Variants in ZDHHC11 observed in about 807,000 individuals in gnomAD.
ZDHHC11 encodes the protein palmitoyltransferase ZDHHC11.
ZDHHC11 carries 44 observed loss-of-function variants against 51.3 expected under a neutral mutation model. The ratio of observed to expected loss-of-function variants is 0.86; its 90% CI spans 0.67 to 1.10. ZDHHC11 has a LOEUF of 1.10. Ranked by LOEUF, ZDHHC11 falls within the 50% of genes least tolerant of loss-of-function variation. The pLI, the probability that ZDHHC11 is intolerant of heterozygous loss-of-function variation, is 0.00. For missense variants in ZDHHC11, 400 were observed against 537.7 expected (o/e 0.74, Z 2.53); for synonymous variants, 163 against 222.0 (o/e 0.73, Z 2.36).
chr5:855,801 GGACAGACCCCACAGAGGACA>G (rs1748149802), upstream of ZDHHC11, among the ~76,000 whole-genome samples: 1 of 144,942 alleles, frequency 6.9e-6, no homozygotes, highest in Non-Finnish European at 1.5e-5. Flanking sequence ...TGAGCAGTGG[GGACAGACCCCACAGAGGACA>G]GTGAGCCGGG....
At chr5:801,761 C>T (rs1294643154) in intron 11 of ZDHHC11, among the ~76,000 whole-genome samples, 2 of 151,084 alleles carry the variant, frequency 1.3e-5, no homozygotes, top group African/African-American at 4.9e-5. Context: ...CTGAATGTGT[C>T]GGGAATTAGA....
At position 821,883 on chromosome 5, in the gene ZDHHC11, C is replaced by T; in HGVS notation, c.1036G>A (p.Asp346Asn). The T allele has an allele frequency of 6.2e-7, 1 of 1,605,760 alleles. No homozygotes were observed. Among genetic ancestry groups the T allele is most frequent in the African/African-American group, 1.3e-5 (1 of 74,786 alleles). The stretch of plus-strand genomic sequence containing the variant: ...CACCCAAGTGCAGATGGACACGGGT[C>T]TTCATCCCCTTCCTGTGGGGAAGTG... ...GDSTAREGDE[D>N]PCPSALGAKA... Residue 346 changes from aspartate to asparagine, a missense_variant, in exon 9 of 13, where the codon GAC (aspartate) becomes AAC (asparagine). Transcript: ENST00000283441.
intron 3 of ZDHHC11, among the ~76,000 whole-genome samples, chr5:844,557 T>C (rs1579776791): frequency 6.6e-6 from 1 of 152,406 alleles, no homozygotes; most frequent in East Asian, 1.9e-4. Flanking sequence ...GCCCTGAGCA[T>C]GGTCTGTGCT....
intron 11 of ZDHHC11, 103 bp from the exon 12 acceptor site, chr5:801,267 G>A (rs1738379455): frequency 1.4e-6 from 2 of 1,464,284 alleles, no homozygotes; most frequent in Non-Finnish European, 1.9e-6. Context: ...ACATTTTAGA[G>A]ATTAGCTTGT....
intron 7 of ZDHHC11, among the ~76,000 whole-genome samples, chr5:830,092 C>A (rs1742879080): frequency 7.2e-6 from 1 of 138,122 alleles, no homozygotes; most frequent in Non-Finnish European, 1.6e-5. Flanking sequence ...CAAGGATGCC[C>A]ACTTTCACCA....
chr5:799,597 C>G (rs1412099567), intron 12 of ZDHHC11, among the ~76,000 whole-genome samples: 1 of 151,314 alleles, frequency 6.6e-6, no homozygotes, highest in African/African-American at 2.4e-5. Flanking sequence ...CAAGTTGATG[C>G]TTCGGCCAAG....
chr5:838,871 G>C lies in ZDHHC11; in HGVS notation c.785-1391C>G, dbSNP rs569156143. Among the ~76,000 whole-genome samples the C allele has an allele frequency of 2.2e-3, 327 of 149,414 alleles. 2 individuals carry two copies. The highest frequency in any genetic ancestry group is 3.4e-3 in the Middle Eastern group (1 of 294). ...CACCCCACGTGCTCAGCACACAGTGGGCATTGACTATTTTAACCCAGGGAA... is the reference window on the plus strand; with the variant it reads ...CACCCCACGTGCTCAGCACACAGTGCGCATTGACTATTTTAACCCAGGGAA... On this transcript the variant is annotated intron_variant, in intron 5 of 12. Transcript: ENST00000283441.
At chr5:835,994 T>C (rs916971236) in intron 6 of ZDHHC11, among the ~76,000 whole-genome samples, 11 of 151,932 alleles carry the variant, frequency 7.2e-5, no homozygotes, top group East Asian at 1.9e-4. Flanking sequence ...TAGGTTTCAT[T>C]GTCTGCAAAT....
At chr5:807,179 G>T (rs1739381635) in intron 11 of ZDHHC11, among the ~76,000 whole-genome samples, 1 of 150,570 alleles carries the variant, frequency 6.6e-6, no homozygotes, top group African/African-American at 2.4e-5. Flanking sequence ...ACAGACCTTG[G>T]CAATTTAGTA....
chr5:805,711 A>C (rs1412744031), intron 11 of ZDHHC11, among the ~76,000 whole-genome samples: 1 of 151,308 alleles, frequency 6.6e-6, no homozygotes, highest in Non-Finnish European at 1.5e-5. Flanking sequence ...ATATATATAC[A>C]TAGATAGATA....
intron 12 of ZDHHC11, among the ~76,000 whole-genome samples, chr5:797,279 G>A (rs1737728020): frequency 6.6e-6 from 1 of 151,452 alleles, no homozygotes; most frequent in African/African-American, 2.4e-5. Context: ...ATTATGTTGT[G>A]TCTAGAATTT....
At chr5:843,054 T>C (rs2150409699) in intron 4 of ZDHHC11, among the ~76,000 whole-genome samples, 1 of 152,406 alleles carries the variant, frequency 6.6e-6, no homozygotes, top group East Asian at 1.9e-4. Context: ...GGGTTAGGCG[T>C]GGACTCGCCT....
At chr5:859,501 A>G (rs1748678425), upstream of ZDHHC11, among the ~76,000 whole-genome samples, 1 of 152,174 alleles carries the variant, frequency 6.6e-6, no homozygotes, top group Admixed American at 6.5e-5. Flanking sequence ...GACGTCCAGG[A>G]AGACTGCGAC....
In ZDHHC11 at chr5:850,594, G is replaced by A. The variant is rs150542911; in HGVS notation, c.9C>T (p.Thr3=). Residue 3 remains threonine, a synonymous_variant, in exon 1 of 13, where the codon ACC becomes ACT. Coordinates refer to ENST00000283441, the MANE Select transcript of ZDHHC11 (RefSeq NM_024786.3). The part of the protein sequence containing the change: MD[T]RSGSQCSVTP... ...TGACGGAACACTGGCTCCCGGAGCGGGTGTCCATCTGCAGGACACAGAAGG... is the reference window on the plus strand; with the variant it reads ...TGACGGAACACTGGCTCCCGGAGCGAGTGTCCATCTGCAGGACACAGAAGG... 2 of 1,613,188 alleles carry A rather than the reference G, an allele frequency of 1.2e-6. No homozygotes were observed. Among genetic ancestry groups the A allele is most frequent in the African/African-American group, 2.7e-5 (2 of 74,890 alleles).
chr5:847,030 C>T (rs1746334061), intron 3 of ZDHHC11, among the ~76,000 whole-genome samples: 1 of 140,224 alleles, frequency 7.1e-6, no homozygotes, highest in African/African-American at 3.0e-5. Flanking sequence ...TGCATCTCCA[C>T]CGTGCTCAGG....
At chr5:831,694 A>T (rs1233692810) in intron 7 of ZDHHC11, among the ~76,000 whole-genome samples, 1 of 150,034 alleles carries the variant, frequency 6.7e-6, no homozygotes, top group Non-Finnish European at 1.5e-5. Flanking sequence ...CATAGGAAAA[A>T]ATGCTGAACA....
intron 11 of ZDHHC11, among the ~76,000 whole-genome samples, chr5:806,078 G>T (rs1377788267): frequency 1.3e-5 from 2 of 151,274 alleles, no homozygotes; most frequent in Non-Finnish European, 3.0e-5. Flanking sequence ...AAAGGAAAGA[G>T]TGGGGTTAGT....
At chr5:846,224 T>C (rs1746133408) in intron 3 of ZDHHC11, among the ~76,000 whole-genome samples, 1 of 151,100 alleles carries the variant, frequency 6.6e-6, no homozygotes, top group South Asian at 2.1e-4. Flanking sequence ...CATGCTGTGC[T>C]CCAGACGGGA....
exon 1 of ZDHHC11, among the ~76,000 whole-genome samples, chr5:858,934 G>C (rs1281037016): frequency 1.3e-5 from 2 of 152,078 alleles, no homozygotes; most frequent in Non-Finnish European, 2.9e-5. Context: ...TGAAGAGCAA[G>C]AGAAAAGCAG....
Sources: gnomAD v4.1 joint callset for allele counts (sites outside exome capture counted in the v4.1 genomes callset) on GRCh38, gnomAD v4.1.1 for gene constraint, MANE v1.5 for transcripts, NCBI Gene and HGNC (gene_info 2026-07-23, HGNC 2026-07-21) for gene names.